The following ITGA8 variants were observed in gnomAD, a reference collection of about 807,000 sequenced individuals.
ITGA8 encodes the protein integrin subunit alpha 8.
A neutral mutation model predicts 142.3 loss-of-function variants in ITGA8; 91 were observed. The observed-to-expected ratio is 0.64, with a 90% CI of 0.54 to 0.76. ITGA8 has a LOEUF of 0.76. ITGA8 is among the 30% of genes least tolerant of loss of function. ITGA8 has a pLI of 0.00. For synonymous variants in ITGA8, 505 were observed against 485.2 expected (o/e 1.04, Z -0.54); for missense variants, 1,406 against 1,327.7 (o/e 1.06, Z -0.92).
At chr10:15,635,903 C>T (rs1187580765) in intron 13 of ITGA8, among the ~76,000 whole-genome samples, 1 of 143,380 alleles carries the variant, frequency 7.0e-6, no homozygotes, top group Non-Finnish European at 1.5e-5. Flanking sequence ...TTCTGTGTTA[C>T]TTGTTTGCTT....
chr10:15,660,966 C>A (rs757023715), intron 8 of ITGA8, 44 bp from the exon 9 acceptor site: 2 of 1,430,470 alleles, frequency 1.4e-6, no homozygotes, highest in Non-Finnish European at 2.0e-6. Context: ...TACTCACACA[C>A]ACAAACACAC....
chr10:15,666,446 C>T (rs1269555828), intron 8 of ITGA8, among the ~76,000 whole-genome samples: 3 of 152,180 alleles, frequency 2.0e-5, no homozygotes, highest in African/African-American at 7.2e-5. Context: ...TCTAGATATA[C>T]AGTCATGTCA....
In ITGA8 at chr10:15,578,811, G is replaced by A. The variant is rs1328741346; in HGVS notation, c.2373-3217C>T. Among the ~76,000 whole-genome samples, 5 of 152,044 alleles carry A rather than the reference G, an allele frequency of 3.3e-5. No individual in the cohort carries two copies. The East Asian group carries it at 9.6e-4, about 29-fold the overall frequency. On this transcript the variant is annotated intron_variant, in intron 23 of 29. Transcript: ENST00000378076. ...TCTTACCACTCTTCATGGACTCAGT[G>A]TATGTGGTGCTGTCTCTTGTGGCCA...
At chr10:15,678,990 T>A (rs9333096) in intron 4 of ITGA8, among the ~76,000 whole-genome samples, 2 of 152,232 alleles carry the variant, frequency 1.3e-5, no homozygotes, top group African/African-American at 4.8e-5. Flanking sequence ...AGCGTTGTGA[T>A]TCTCTAGTAA....
At chr10:15,524,428 A>C (rs1778675341) in intron 28 of ITGA8, among the ~76,000 whole-genome samples, 1 of 152,188 alleles carries the variant, frequency 6.6e-6, no homozygotes. Flanking sequence ...CACTGTAATG[A>C]TTCAGTGTTC....
Position 15,608,212 on chromosome 10 carries a change from T to C in ITGA8, c.1609+23A>G, listed in dbSNP as rs372225048. ...CAACTTTCTTAGTATACCATAAGAATGTAAAAATGAAAACATGCTTACCTA... is the reference window on the plus strand; with the variant it reads ...CAACTTTCTTAGTATACCATAAGAACGTAAAAATGAAAACATGCTTACCTA... On this transcript the variant is annotated intron_variant, in intron 16 of 29. Transcript: ENST00000378076. 22 of 1,539,276 alleles carry C rather than the reference T, an allele frequency of 1.4e-5. No homozygotes were observed. The African/African-American group carries it at 2.1e-4, about 14-fold the overall frequency.
intron 22 of ITGA8, among the ~76,000 whole-genome samples, chr10:15,590,655 T>C (rs940281117): frequency 1.3e-5 from 2 of 152,174 alleles, no homozygotes; most frequent in Non-Finnish European, 2.9e-5. Context: ...TTTCTTAAGA[T>C]ACTTAGAAAT....
intron 8 of ITGA8, among the ~76,000 whole-genome samples, chr10:15,664,237 C>T (rs1021771878): frequency 6.6e-6 from 1 of 151,778 alleles, no homozygotes; most frequent in Non-Finnish European, 1.5e-5. Context: ...AGGGTTTAAA[C>T]CCAAGAGGTC....
At chr10:15,523,821 G>T (rs1833114318) in intron 28 of ITGA8, among the ~76,000 whole-genome samples, 1 of 151,222 alleles carries the variant, frequency 6.6e-6, no homozygotes, top group Admixed American at 6.6e-5. Flanking sequence ...AGTCTCGGCT[G>T]CTCAGGAGGC....
chr10:15,528,663 C>A (rs1327630062), intron 28 of ITGA8, among the ~76,000 whole-genome samples: 1 of 152,060 alleles, frequency 6.6e-6, no homozygotes, highest in Non-Finnish European at 1.5e-5. Flanking sequence ...ATGGAACCAA[C>A]CGTAACATGT....
rs1427940103 is a variant in ITGA8, at chr10:15,516,987, C to A, written c.*171G>T. 4 of 488,744 alleles carry A rather than the reference C, an allele frequency of 8.2e-6. No individual in the cohort carries two copies. Among genetic ancestry groups the A allele is most frequent in the Non-Finnish European group, 1.4e-5 (4 of 276,582 alleles). 30.3% of individuals were successfully genotyped at this position (488,744 alleles called of 1,614,324 possible). Reference sequence around the variant, plus strand: ...TTTCCAACAGGGCTCACTGGGCACCCAGGACAATTTCTCCAAAGTGCGGTG... The same window carrying A: ...TTTCCAACAGGGCTCACTGGGCACCAAGGACAATTTCTCCAAAGTGCGGTG... On this transcript the variant is annotated 3_prime_UTR_variant, in exon 30 of 30. Transcript: ENST00000378076.
chr10:15,682,067 C>G (rs777785915), intron 4 of ITGA8, among the ~76,000 whole-genome samples: 11 of 152,130 alleles, frequency 7.2e-5, no homozygotes, highest in Admixed American at 1.3e-4. Context: ...TCTCTCTTCT[C>G]TCCTCCAATA....
At chr10:15,578,027 A>G (rs1161195199) in intron 23 of ITGA8, among the ~76,000 whole-genome samples, 1 of 152,184 alleles carries the variant, frequency 6.6e-6, no homozygotes, top group East Asian at 1.9e-4. Context: ...GATTCCATGT[A>G]CCATTTAGCG....
intron 23 of ITGA8, among the ~76,000 whole-genome samples, chr10:15,579,669 A>G (rs1834367118): frequency 6.6e-6 from 1 of 152,058 alleles, no homozygotes; most frequent in Non-Finnish European, 1.5e-5. Flanking sequence ...TAAAAATAGC[A>G]ATTTTCTCAT....
intron 23 of ITGA8, among the ~76,000 whole-genome samples, chr10:15,583,184 TA>T (rs573048833): frequency 1.3e-5 from 2 of 152,114 alleles, no homozygotes; most frequent in African/African-American, 4.8e-5. Flanking sequence ...TATGCAGCCA[TA>T]AAAAAGGATG....
chr10:15,700,171 T>C (rs547324672), intron 2 of ITGA8, among the ~76,000 whole-genome samples: 73 of 152,334 alleles, frequency 4.8e-4, no homozygotes, highest in Non-Finnish European at 7.4e-4. Context: ...AGAGATACTT[T>C]TCTTATTTCA....
At chr10:15,666,034 T>C (rs1238318493) in intron 8 of ITGA8, among the ~76,000 whole-genome samples, 1 of 152,188 alleles carries the variant, frequency 6.6e-6, no homozygotes, top group Non-Finnish European at 1.5e-5. Flanking sequence ...TTTAAAGTAG[T>C]TTTTTTCCAA....
intron 13 of ITGA8, among the ~76,000 whole-genome samples, chr10:15,618,329 C>T (rs530616686): frequency 4.3e-4 from 66 of 152,092 alleles, no homozygotes; most frequent in East Asian, 7.7e-4. Flanking sequence ...TAGCACAACG[C>T]GAATGAAAAT....
At chr10:15,714,485 T>A (rs1835415873) in intron 2 of ITGA8, among the ~76,000 whole-genome samples, 1 of 152,098 alleles carries the variant, frequency 6.6e-6, no homozygotes, top group Admixed American at 6.5e-5. Context: ...AGAAGGGAGA[T>A]CAGAGAAGTG....
Sources: allele counts gnomAD v4.1 joint callset (sites outside exome capture counted in the v4.1 genomes callset), GRCh38; gene constraint gnomAD v4.1.1; transcripts MANE v1.5; gene names NCBI Gene and HGNC (gene_info 2026-07-23, HGNC 2026-07-21).